Variants in ARSK observed in about 807,000 individuals in gnomAD.
ARSK encodes arylsulfatase K.
A neutral mutation model predicts 53.2 loss-of-function variants in ARSK; 37 were observed. That is an observed-to-expected ratio of 0.70 (90% CI 0.54 to 0.92). The LOEUF (loss-of-function observed/expected upper bound fraction) is 0.92, where lower values mean the gene tolerates loss of function less well. ARSK is among the 40% of genes least tolerant of loss of function. The pLI is 0.00. For missense variants in ARSK, 613 were observed against 643.0 expected (o/e 0.95, Z 0.51); for synonymous variants, 208 against 223.2 (o/e 0.93, Z 0.61).
chr5:95,579,753 A>T (rs994662232), intron 3 of ARSK, among the ~76,000 whole-genome samples: 46 of 152,232 alleles, frequency 3.0e-4, no homozygotes, highest in African/African-American at 1.1e-3. Context: ...TTCTATAAAG[A>T]GTTGAAGTAG....
At chr5:95,574,446 A>G (rs139081725) in intron 3 of ARSK, among the ~76,000 whole-genome samples, 163 of 152,262 alleles carry the variant, frequency 1.1e-3, no homozygotes, top group Middle Eastern at 3.4e-3. Context: ...TGGTTGTACT[A>G]ATTTACATTC....
chr5:95,601,296 C>T (rs1365663829), intron 7 of ARSK, among the ~76,000 whole-genome samples: 3 of 152,200 alleles, frequency 2.0e-5, no homozygotes, highest in South Asian at 2.1e-4. Flanking sequence ...GGTCTCATGA[C>T]TGAAACCAGT....
At chr5:95,574,363 C>T (rs552143990) in intron 3 of ARSK, among the ~76,000 whole-genome samples, 10 of 152,138 alleles carry the variant, frequency 6.6e-5, no homozygotes, top group African/African-American at 2.4e-4. Flanking sequence ...GGGTGTATAC[C>T]TAGAGAGATT....
At chr5:95,600,561 T>A in intron 6 of ARSK, 2 of 536,674 alleles carry the variant, frequency 3.7e-6, no homozygotes, top group Non-Finnish European at 7.0e-6. Flanking sequence ...TTACATAAAG[T>A]ATCTTATTTA....
At position 95,605,098 on chromosome 5, in the gene ARSK, T is replaced by C. The variant is rs936749103; in HGVS notation, c.*1572T>C. ...TGCTTTTGTGGCTTTTGGGATTTTG[T>C]ATCATATTTAGAATGGCCTTCTCCA... On this transcript the variant is annotated 3_prime_UTR_variant, in exon 8 of 8. Coordinates refer to ENST00000380009, the MANE Select transcript of ARSK (RefSeq NM_198150.3). 3 of 152,248 alleles carry C rather than the reference T, an allele frequency of 2.0e-5. No homozygotes were observed. The South Asian group carries it at 6.2e-4, about 31-fold the overall frequency. The allele number at this position is 152,248 out of a possible 1,614,324, so 9.4% of individuals were successfully genotyped here.
chr5:95,603,845 TG>T lies in ARSK; in HGVS notation c.*320del, dbSNP rs1207989630. On this transcript the variant is annotated 3_prime_UTR_variant, in exon 8 of 8. Coordinates refer to ENST00000380009, the MANE Select transcript of ARSK (RefSeq NM_198150.3). ...TCGCTTGAACCCGGGAGGCAGCAGT[TG>T]CAGTGAGCTGAGATTGCGCCACTGT... is the stretch of plus-strand genomic sequence containing the variant. 6.3e-6 allele frequency: 1 copy of T among 158,864 alleles called. No individual in the cohort carries two copies. Among genetic ancestry groups the T allele is most frequent in the Non-Finnish European group, 1.4e-5 (1 of 72,576 alleles). 9.8% of individuals were successfully genotyped at this position (158,864 alleles called of 1,614,324 possible).
Position 95,582,951 on chromosome 5 carries a change from T to C in ARSK, c.452T>C (p.Phe151Ser), listed in dbSNP as rs1388835179. 3.1e-6 allele frequency: 5 copies of C among 1,612,094 alleles called. No individual in the cohort carries two copies. The East Asian group carries it at 8.9e-5, about 29-fold the overall frequency. ...RVEAWTRDVA[F>S]LLRQEGRPMV... The stretch of plus-strand genomic sequence containing the variant: ...GAAGCGTGGACAAGAGATGTTGCTT[T>C]CTTACTCAGACAAGAAGGCAGGCCC... Residue 151 changes from phenylalanine to serine, a missense_variant, in exon 4 of 8, where the codon TTC (phenylalanine) becomes TCC (serine). Transcript: ENST00000380009.
chr5:95,569,254 T>G (rs541934023), intron 3 of ARSK, among the ~76,000 whole-genome samples: 2 of 152,154 alleles, frequency 1.3e-5, no homozygotes, highest in African/African-American at 2.4e-5. Flanking sequence ...TTGTAATGGT[T>G]GTTGTGATGG....
chr5:95,558,307 A>C lies in ARSK; in HGVS notation c.126+2903A>C, dbSNP rs188341744. On this transcript the variant is annotated intron_variant, in intron 1 of 7. Coordinates refer to ENST00000380009, the MANE Select transcript of ARSK (RefSeq NM_198150.3). Reference sequence around the variant, plus strand: ...GGACAGAGGTTCCATACCAGGAGAGACAAGCTGAGAAGACCAAACAAGCTT... The same window carrying C: ...GGACAGAGGTTCCATACCAGGAGAGCCAAGCTGAGAAGACCAAACAAGCTT... 2.0e-4 allele frequency among the ~76,000 whole-genome samples: 30 copies of C among 152,260 alleles called. No homozygotes were observed. In the South Asian group the frequency reaches 3.7e-3, roughly 19 times the overall value.
chr5:95,582,991 C>T lies in ARSK; in HGVS notation c.492C>T (p.Ile164=). 6.2e-7 allele frequency: 1 copy of T among 1,613,688 alleles called. No individual in the cohort carries two copies. Among genetic ancestry groups the T allele is most frequent in the Non-Finnish European group, 8.5e-7 (1 of 1,179,702 alleles). ...AAGGCAGGCCCATGGTTAATCTTAT[C>T]CGTAACAGGACTAAAGTCAGAGTGA... The part of the protein sequence containing the change: ...RQEGRPMVNL[I]RNRTKVRVME... The change falls in exon 4 of 8, where the codon ATC becomes ATT. Residue 164 remains isoleucine (I), a synonymous_variant. Coordinates refer to ENST00000380009, the MANE Select transcript of ARSK (RefSeq NM_198150.3).
chr5:95,578,068 T>G (rs1748955588), intron 3 of ARSK, among the ~76,000 whole-genome samples: 1 of 152,232 alleles, frequency 6.6e-6, no homozygotes, highest in East Asian at 1.9e-4. Flanking sequence ...CAGACTGTTT[T>G]TGGGAGTGAT....
intron 1 of ARSK, among the ~76,000 whole-genome samples, chr5:95,562,507 T>C (rs1318657172): frequency 6.6e-6 from 1 of 152,242 alleles, no homozygotes; most frequent in Non-Finnish European, 1.5e-5. Flanking sequence ...AAGTTGCTGT[T>C]ACATTCTTTT....
intron 4 of ARSK, among the ~76,000 whole-genome samples, chr5:95,583,418 A>T (rs1447737113): frequency 1.3e-5 from 2 of 152,190 alleles, no homozygotes; most frequent in African/African-American, 4.8e-5. Context: ...TTTGCTAAGG[A>T]TATGTCTATA....
chr5:95,571,624 A>G (rs1748832763), intron 3 of ARSK, among the ~76,000 whole-genome samples: 1 of 152,236 alleles, frequency 6.6e-6, no homozygotes, highest in African/African-American at 2.4e-5. Flanking sequence ...AGTAGAGGAA[A>G]AAAACACTTA....
At chr5:95,574,321 T>C (rs1043589569) in intron 3 of ARSK, among the ~76,000 whole-genome samples, 6 of 152,234 alleles carry the variant, frequency 3.9e-5, no homozygotes, top group Non-Finnish European at 8.8e-5. Flanking sequence ...GAAGTGCAGA[T>C]ATCTCTTTGA....
intron 6 of ARSK, among the ~76,000 whole-genome samples, chr5:95,596,347 G>A (rs772303273): frequency 1.3e-5 from 2 of 152,076 alleles, no homozygotes; most frequent in Admixed American, 6.6e-5. Flanking sequence ...TATTCTTAGA[G>A]CTCTCAAAGT....
intron 3 of ARSK, among the ~76,000 whole-genome samples, chr5:95,578,932 G>A (rs1051933909): frequency 6.6e-6 from 1 of 152,170 alleles, no homozygotes; most frequent in Non-Finnish European, 1.5e-5. Context: ...TTGGTAATGT[G>A]TTAAGTAGTT....
In ARSK at chr5:95,555,447, G is replaced by C; in HGVS notation, c.126+43G>C. On this transcript the variant is annotated intron_variant, in intron 1 of 7. Coordinates refer to ENST00000380009, the MANE Select transcript of ARSK (RefSeq NM_198150.3). The surrounding 1 kb of genome is among the most constrained non-coding windows in gnomAD (Gnocchi z 4.0). The stretch of plus-strand genomic sequence containing the variant: ...GGGGAGGGGCGCCCCGCTGGGGATC[G>C]GCGACCTCACCGCCGCCGCCTGTGC... The C allele has an allele frequency of 6.4e-7, 1 of 1,562,364 alleles. No individual in the cohort carries two copies. The highest frequency in any genetic ancestry group is 8.7e-7 in the Non-Finnish European group (1 of 1,151,500).
At chr5:95,556,567 C>T (rs1477465501) in intron 1 of ARSK, 1 of 257,334 alleles carries the variant, frequency 3.9e-6, no homozygotes, top group African/African-American at 2.2e-5. Context: ...CAGCTGTCTT[C>T]AGCAGAGGCA....
Sources: allele counts gnomAD v4.1 joint callset (sites outside exome capture counted in the v4.1 genomes callset), GRCh38; gene constraint gnomAD v4.1.1; non-coding constraint Gnocchi (gnomAD v3.1); transcripts MANE v1.5; gene names NCBI Gene and HGNC (gene_info 2026-07-23, HGNC 2026-07-21).